TMEM161B: variants seen among roughly 807,000 people sequenced by gnomAD.
The protein encoded by TMEM161B is transmembrane protein 161B.
In TMEM161B, 34 loss-of-function variants were observed where a neutral mutation model predicts 61.8. That is an observed-to-expected ratio of 0.55 (90% CI 0.42 to 0.73). The LOEUF (loss-of-function observed/expected upper bound fraction) is 0.73. TMEM161B is among the 30% of genes least tolerant of loss of function. The pLI, the probability that TMEM161B is intolerant of heterozygous loss-of-function variation, is 0.00. For synonymous variants in TMEM161B, 167 were observed against 192.8 expected (o/e 0.87, Z 1.11); for missense variants, 456 against 558.5 (o/e 0.82, Z 1.85).
chr5:88,241,424 A>G (rs947017459), intron 1 of TMEM161B, among the ~76,000 whole-genome samples: 1 of 151,884 alleles, frequency 6.6e-6, no homozygotes, highest in African/African-American at 2.4e-5. Flanking sequence ...ATACACATCT[A>G]TAATCTATTC....
chr5:88,220,179 G>A (rs1453454212), intron 5 of TMEM161B, among the ~76,000 whole-genome samples: 4 of 152,052 alleles, frequency 2.6e-5, no homozygotes, highest in Non-Finnish European at 5.9e-5. Flanking sequence ...TTAATAAAAT[G>A]TTATCTCTAA....
chr5:88,218,414 A>T (rs1249800559), intron 5 of TMEM161B, among the ~76,000 whole-genome samples: 4 of 152,208 alleles, frequency 2.6e-5, no homozygotes, highest in Admixed American at 6.5e-5. Context: ...AAGGCACATC[A>T]TCATAAAATT....
At chr5:88,231,551 T>A (rs1218068403) in intron 2 of TMEM161B, among the ~76,000 whole-genome samples, 2 of 152,258 alleles carry the variant, frequency 1.3e-5, no homozygotes, top group Admixed American at 6.5e-5. Flanking sequence ...GTTACTGGCA[T>A]AGAGCAAGTG....
chr5:88,237,729 TAAA>T (rs904758714), intron 2 of TMEM161B, among the ~76,000 whole-genome samples: 1 of 151,188 alleles, frequency 6.6e-6, no homozygotes, highest in African/African-American at 2.4e-5. Flanking sequence ...CAGTTTCTTT[TAAA>T]AAAAAAGTTT....
chr5:88,188,964 T>G (rs1748538365), downstream of TMEM161B, among the ~76,000 whole-genome samples: 1 of 152,160 alleles, frequency 6.6e-6, no homozygotes, highest in African/African-American at 2.4e-5. Flanking sequence ...GAGAAATGGC[T>G]TCTCTCCTCA....
intron 1 of TMEM161B, among the ~76,000 whole-genome samples, chr5:88,253,996 A>G (rs1317448596): frequency 6.6e-6 from 1 of 151,572 alleles, no homozygotes; most frequent in Non-Finnish European, 1.5e-5. Flanking sequence ...TAGAATACAT[A>G]TATATATAAA....
rs369158054 is a variant in TMEM161B, at chr5:88,245,828, A to G, written c.4-4912T>C. Among the ~76,000 whole-genome samples the G allele has an allele frequency of 9.2e-5, 14 of 152,122 alleles. No individual in the cohort carries two copies. The South Asian group carries it at 2.9e-3, about 31-fold the overall frequency. ...GTAAATTTATGTTAAGGCAAAAACA[A>G]ACAAGCAAAAATCAGTGAGCTGGAT... On this transcript the variant is annotated intron_variant, in intron 1 of 11. Coordinates refer to ENST00000296595, the MANE Select transcript of TMEM161B (RefSeq NM_153354.5).
At chr5:88,252,704 C>T (rs545160046) in intron 1 of TMEM161B, among the ~76,000 whole-genome samples, 1 of 152,324 alleles carries the variant, frequency 6.6e-6, no homozygotes, top group South Asian at 2.1e-4. Flanking sequence ...TGACAAGCTT[C>T]AGATAGGCCT....
intron 1 of TMEM161B, among the ~76,000 whole-genome samples, chr5:88,267,064 A>C (rs1372255344): frequency 1.3e-5 from 2 of 152,226 alleles, no homozygotes; most frequent in Non-Finnish European, 1.5e-5. Flanking sequence ...AAGTATTTTA[A>C]TTATACTTTA....
intron 1 of TMEM161B, among the ~76,000 whole-genome samples, chr5:88,268,076 G>A (rs1003455431): frequency 1.3e-5 from 2 of 152,042 alleles, no homozygotes; most frequent in Non-Finnish European, 2.9e-5. Context: ...AACCCTTTCT[G>A]CCTAACCTTT....
chr5:88,203,783 AT>A lies in TMEM161B; in HGVS notation c.801-709del, dbSNP rs1744891865. On this transcript the variant is annotated intron_variant, in intron 8 of 11. Coordinates refer to ENST00000296595, the MANE Select transcript of TMEM161B (RefSeq NM_153354.5). ...TATATATATATATATATATATATAT[AT>A]ATATATATATATATATATATATATA... 3.4e-3 allele frequency among the ~76,000 whole-genome samples: 59 copies of A among 17,324 alleles called. 2 individuals are homozygous for A. Among genetic ancestry groups the A allele is most frequent in the Middle Eastern group, 0.016 (1 of 64 alleles). The allele number at this position is 17,324 out of a possible 152,430, so 11.4% of individuals were successfully genotyped here. A position where few individuals can be genotyped will look rare whatever the true frequency, so the allele number is the denominator to read the frequency against.
At chr5:88,235,503 A>T (rs1375114227) in intron 2 of TMEM161B, among the ~76,000 whole-genome samples, 1 of 152,138 alleles carries the variant, frequency 6.6e-6, no homozygotes, top group Non-Finnish European at 1.5e-5. Context: ...GCCCTCATTA[A>T]TAGGATTATT....
At position 88,268,832 on chromosome 5, in the gene TMEM161B, G is replaced by A. The variant is rs926606575; in HGVS notation, c.-109C>T. 5.1e-6 allele frequency: 8 copies of A among 1,577,394 alleles called. No individual in the cohort carries two copies. Among genetic ancestry groups the A allele is most frequent in the African/African-American group, 1.4e-5 (1 of 73,816 alleles). ...GAGACTCTCAAACAGCGAAAGAGAG[G>A]GTCTTCCGGCTCTGCCGGAAGTTGT... On this transcript the variant is annotated 5_prime_UTR_variant, in exon 1 of 12. Transcript: ENST00000296595.
intron 6 of TMEM161B, 122 bp from the exon 7 acceptor site, chr5:88,206,621 G>T: frequency 1.0e-6 from 1 of 960,014 alleles, no homozygotes; most frequent in Non-Finnish European, 1.5e-6. Context: ...GACTAGCTTA[G>T]CTCTTTCATG....
intron 11 of TMEM161B, 68 bp from the exon 12 acceptor site, chr5:88,196,556 A>G: frequency 2.1e-6 from 3 of 1,448,612 alleles, no homozygotes; most frequent in Non-Finnish European, 2.8e-6. Context: ...TTAAAAAAAA[A>G]TCTTCCTATA....
At chr5:88,253,460 T>C (rs1754597686) in intron 1 of TMEM161B, among the ~76,000 whole-genome samples, 1 of 152,138 alleles carries the variant, frequency 6.6e-6, no homozygotes, top group African/African-American at 2.4e-5. Flanking sequence ...AAAAAGAGTA[T>C]TCCACTATCA....
intron 1 of TMEM161B, among the ~76,000 whole-genome samples, chr5:88,247,695 G>C (rs893609384): frequency 2.0e-5 from 3 of 151,958 alleles, no homozygotes; most frequent in Non-Finnish European, 2.9e-5. Flanking sequence ...ATTCACACTA[G>C]ATGTATTTAA....
At position 88,196,095 on chromosome 5, in the gene TMEM161B, GAT is replaced by G; in HGVS notation, c.*114_*115del. 1 of 1,454,412 alleles carries G rather than the reference GAT, an allele frequency of 6.9e-7. No individual in the cohort carries two copies. The allele number at this position is 1,454,412 out of a possible 1,614,324, so 90.1% of individuals were successfully genotyped here. A position where few individuals can be genotyped will look rare whatever the true frequency, so the allele number is the denominator to read the frequency against. On this transcript the variant is annotated 3_prime_UTR_variant, in exon 12 of 12. Coordinates refer to ENST00000296595, the MANE Select transcript of TMEM161B (RefSeq NM_153354.5). Reference sequence around the variant, plus strand: ...GGAAACATTTAATACAAGACATTCTGATATGTTTTTTTTTTCCCATTGTATTT... The same window carrying G: ...GGAAACATTTAATACAAGACATTCTGATGTTTTTTTTTTCCCATTGTATTT...
chr5:88,259,590 G>T (rs1755435503), intron 1 of TMEM161B, among the ~76,000 whole-genome samples: 2 of 152,148 alleles, frequency 1.3e-5, no homozygotes, highest in Admixed American at 1.3e-4. Context: ...AGAAACTAAG[G>T]CTTTGGTGTA....
Sources: gnomAD v4.1 joint callset for allele counts (sites outside exome capture counted in the v4.1 genomes callset) on GRCh38, gnomAD v4.1.1 for gene constraint, MANE v1.5 for transcripts, NCBI Gene and HGNC (gene_info 2026-07-23, HGNC 2026-07-21) for gene names.